Variants in RGS6 observed in about 807,000 individuals in gnomAD.
RGS6 encodes the protein regulator of G protein signaling 6.
Under a neutral mutation model 78.5 loss-of-function variants are expected in RGS6, and 30 were observed. The observed-to-expected ratio is 0.38, with a 90% CI of 0.29 to 0.52. RGS6 has a LOEUF of 0.52. RGS6 is among the 20% of genes least tolerant of loss of function. RGS6 has a pLI of 0.85. For missense variants in RGS6, 495 were observed against 609.7 expected (o/e 0.81, Z 1.98); for synonymous variants, 206 against 206.0 (o/e 1.00, Z 0.00).
chr14:71,970,101 TAAC>T (rs2093716801), intron 2 of RGS6, among the ~76,000 whole-genome samples: 1 of 152,366 alleles, frequency 6.6e-6, no homozygotes, highest in African/African-American at 2.4e-5. Context: ...GGCTTGCTAA[TAAC>T]ATTTAAGACA....
intron 2 of RGS6, among the ~76,000 whole-genome samples, chr14:71,978,622 C>T (rs1160016535): frequency 1.4e-5 from 2 of 139,598 alleles, no homozygotes; most frequent in Non-Finnish European, 3.1e-5. Flanking sequence ...CCCACTTGAT[C>T]ATGGTGGATA....
At position 72,522,941 on chromosome 14, in the gene RGS6, G is replaced by A. The variant is rs544895232; in HGVS notation, c.1278+4404G>A. On this transcript the variant is annotated intron_variant, in intron 15 of 17. Transcript: ENST00000553525. ...AAGTTAGAGGAGACTTGGTTTTGAC[G>A]CAGCCATGGCAACACAGCAATCTGA... is the stretch of plus-strand genomic sequence containing the variant. 4.3e-4 allele frequency among the ~76,000 whole-genome samples: 65 copies of A among 152,318 alleles called. 1 individual carries two copies. In the Middle Eastern group the frequency reaches 0.01, roughly 24 times the overall value.
intron 2 of RGS6, among the ~76,000 whole-genome samples, chr14:72,309,535 A>C (rs894617865): frequency 6.6e-6 from 1 of 152,228 alleles, no homozygotes; most frequent in Non-Finnish European, 1.5e-5. Flanking sequence ...CAATGTTGGT[A>C]GTTTGTATAT....
At chr14:72,351,411 A>G (rs899930758) in intron 2 of RGS6, among the ~76,000 whole-genome samples, 5 of 152,194 alleles carry the variant, frequency 3.3e-5, no homozygotes, top group Admixed American at 6.5e-5. Flanking sequence ...TAGGATGTCA[A>G]CAGTCCACTA....
the RGS6 span, among the ~76,000 whole-genome samples, chr14:71,868,075 C>T: frequency 2.2e-3 from 333 of 152,290 alleles, 1 homozygote; most frequent in African/African-American, 7.4e-3. Flanking sequence ...AAACGTCCAC[C>T]GGCTTGTATG....
In RGS6 at chr14:72,296,692, C is replaced by A. The variant is rs535084760; in HGVS notation, c.85-55403C>A. Among the ~76,000 whole-genome samples, 80 of 152,094 alleles carry A rather than the reference C, an allele frequency of 5.3e-4. 1 individual carries two copies. The highest frequency in any genetic ancestry group is 2.5e-4 in the Non-Finnish European group (17 of 67,970). On this transcript the variant is annotated intron_variant, in intron 2 of 17. Transcript: ENST00000553525. Reference sequence around the variant, plus strand: ...TTTTTATTGTTAAATTGTAGGAGTTCTTTGTAAGATACAGGTCTGGGAAAT... The same window carrying A: ...TTTTTATTGTTAAATTGTAGGAGTTATTTGTAAGATACAGGTCTGGGAAAT...
chr14:72,373,253 A>T (rs1267520266), intron 3 of RGS6, among the ~76,000 whole-genome samples: 3 of 152,216 alleles, frequency 2.0e-5, no homozygotes, highest in African/African-American at 7.2e-5. Flanking sequence ...AAGTAAAATT[A>T]TTTCCCATTG....
At chr14:71,894,009 A>T in the RGS6 span, among the ~76,000 whole-genome samples, 3 of 152,180 alleles carry the variant, frequency 2.0e-5, no homozygotes, top group Admixed American at 1.3e-4. Context: ...TTACTGCCAT[A>T]AGAATTTAGA....
intron 2 of RGS6, among the ~76,000 whole-genome samples, chr14:72,202,976 G>A (rs1277007365): frequency 6.6e-6 from 1 of 151,984 alleles, no homozygotes; most frequent in African/African-American, 2.4e-5. Flanking sequence ...AATGGTTCAC[G>A]CCATTCTCCT....
At chr14:72,322,177 A>T (rs997874129) in intron 2 of RGS6, among the ~76,000 whole-genome samples, 1 of 152,034 alleles carries the variant, frequency 6.6e-6, no homozygotes, top group Admixed American at 6.5e-5. Context: ...TAAGAAAAAT[A>T]AAGTTAACCT....
intron 2 of RGS6, among the ~76,000 whole-genome samples, chr14:72,205,502 G>A (rs965924409): frequency 2.0e-5 from 3 of 152,080 alleles, no homozygotes; most frequent in Non-Finnish European, 4.4e-5. Flanking sequence ...AACAATTCAG[G>A]GTCTCATTCC....
At chr14:72,340,247 G>T (rs915504500) in intron 2 of RGS6, among the ~76,000 whole-genome samples, 1 of 152,182 alleles carries the variant, frequency 6.6e-6, no homozygotes, top group East Asian at 1.9e-4. Context: ...TGGCTCTCAT[G>T]TGCTCACTGG....
At chr14:72,097,493 T>G (rs552825466) in intron 2 of RGS6, among the ~76,000 whole-genome samples, 4 of 152,296 alleles carry the variant, frequency 2.6e-5, no homozygotes, top group African/African-American at 9.6e-5. Context: ...ATAGAGCAAG[T>G]TTTAAAAATC....
chr14:72,593,079 TGGA>T, the RGS6 span, among the ~76,000 whole-genome samples: 5 of 152,092 alleles, frequency 3.3e-5, no homozygotes, highest in Non-Finnish European at 7.4e-5. Flanking sequence ...GTGGGCATGC[TGGA>T]GGAGTGGCCA....
At chr14:71,975,557 C>G (rs767241029) in intron 2 of RGS6, among the ~76,000 whole-genome samples, 6 of 151,996 alleles carry the variant, frequency 3.9e-5, no homozygotes, top group Non-Finnish European at 8.8e-5. Flanking sequence ...CTCCTGGAAT[C>G]AAGTGATTCT....
chr14:72,548,356 T>TGTGTGTGTGTGTGTGCGCGC (rs2097443306), intron 17 of RGS6, among the ~76,000 whole-genome samples: 1 of 141,800 alleles, frequency 7.1e-6, no homozygotes, highest in South Asian at 2.2e-4. Context: ...CGCGTGTGTG[T>TGTGTGTGTGTGTGTGCGCGC]GTGTGTGTGT....
At chr14:72,073,946 A>T (rs2094491520) in intron 2 of RGS6, among the ~76,000 whole-genome samples, 2 of 152,212 alleles carry the variant, frequency 1.3e-5, no homozygotes, top group African/African-American at 4.8e-5. Flanking sequence ...TTTGCCTAGT[A>T]CTAAGCCCAC....
chr14:72,386,400 T>C (rs1158519421), intron 3 of RGS6, among the ~76,000 whole-genome samples: 1 of 152,054 alleles, frequency 6.6e-6, no homozygotes, highest in African/African-American at 2.4e-5. Context: ...TAGCCAGGCA[T>C]GGTTTTGCAT....
At chr14:72,066,870 C>T (rs939308965) in intron 2 of RGS6, among the ~76,000 whole-genome samples, 3 of 147,056 alleles carry the variant, frequency 2.0e-5, no homozygotes, top group Non-Finnish European at 3.0e-5. Context: ...GAAAGAAATG[C>T]ACTGTGGCTC....
Sources: allele counts gnomAD v4.1 joint callset (sites outside exome capture counted in the v4.1 genomes callset), GRCh38; gene constraint gnomAD v4.1.1; transcripts MANE v1.5; gene names NCBI Gene and HGNC (gene_info 2026-07-23, HGNC 2026-07-21).